PLCB4: variants seen among roughly 807,000 people sequenced by gnomAD.
PLCB4 encodes 1-phosphatidylinositol 4,5-bisphosphate phosphodiesterase beta-4.
In PLCB4, 77 loss-of-function variants were observed where a neutral mutation model predicts 178.8. That is an observed-to-expected ratio of 0.43 (90% CI 0.36 to 0.52). The LOEUF is 0.52. Among genes scored for constraint, PLCB4 ranks in the 20% least tolerant of loss-of-function variants. The probability of loss-of-function intolerance (pLI) is 0.00; values close to 1 mark genes in which losing one functional copy is unlikely to be tolerated. For missense variants in PLCB4, 1,024 were observed against 1,453.4 expected (o/e 0.70, Z 4.80); for synonymous variants, 496 against 490.8 (o/e 1.01, Z -0.14).
chr20:9,272,486 A>C (rs899611624), intron 3 of PLCB4, among the ~76,000 whole-genome samples: 4 of 152,034 alleles, frequency 2.6e-5, no homozygotes, highest in African/African-American at 9.7e-5. Flanking sequence ...TCCAACCTAG[A>C]CTATTGAGGG....
At chr20:9,121,862 T>A (rs935511131) in intron 2 of PLCB4, among the ~76,000 whole-genome samples, 1 of 152,196 alleles carries the variant, frequency 6.6e-6, no homozygotes, top group Non-Finnish European at 1.5e-5. Context: ...GACACCAAAT[T>A]TATGTATTTT....
At chr20:9,193,238 A>C (rs2147148982) in intron 2 of PLCB4, among the ~76,000 whole-genome samples, 1 of 152,376 alleles carries the variant, frequency 6.6e-6, no homozygotes, top group African/African-American at 2.4e-5. Flanking sequence ...TACTGGTAGA[A>C]GAGTAAGAAA....
rs569891005 is a variant in PLCB4 at position 9,244,233 on chromosome 20, T to C, written c.-16+26781T>C. ...CATTTTCTAGAAACCCCCAAGATAA[T>C]TGGGTTTCATTTCCCATTGCATGTT... is the stretch of plus-strand genomic sequence containing the variant. On this transcript the variant is annotated intron_variant, in intron 3 of 39. Transcript: ENST00000378473. Among the ~76,000 whole-genome samples the C allele has an allele frequency of 4.6e-5, 7 of 152,324 alleles. No individual in the cohort carries two copies. In the East Asian group the frequency reaches 1.4e-3, roughly 29 times the overall value.
At chr20:9,466,380 G>A (rs903962634) in intron 35 of PLCB4, among the ~76,000 whole-genome samples, 3 of 152,128 alleles carry the variant, frequency 2.0e-5, no homozygotes, top group South Asian at 2.1e-4. Context: ...CATGGGCAAG[G>A]ACTTCATGAC....
At chr20:9,475,266 G>A (rs922319144) in intron 38 of PLCB4, among the ~76,000 whole-genome samples, 3 of 152,222 alleles carry the variant, frequency 2.0e-5, no homozygotes, top group African/African-American at 7.2e-5. Flanking sequence ...CAATAGTGGT[G>A]TATGCCAGAG....
intron 2 of PLCB4, among the ~76,000 whole-genome samples, chr20:9,099,262 A>G (rs752426637): frequency 1.1e-4 from 16 of 152,174 alleles, no homozygotes; most frequent in Non-Finnish European, 2.2e-4. Context: ...AGACAGGGCC[A>G]GAATGTTTTT....
At chr20:9,158,077 C>T (rs1425501939) in intron 2 of PLCB4, among the ~76,000 whole-genome samples, 3 of 152,142 alleles carry the variant, frequency 2.0e-5, no homozygotes, top group Non-Finnish European at 4.4e-5. Flanking sequence ...GGAACCAAGG[C>T]ACAAGGATTC....
intron 36 of PLCB4, among the ~76,000 whole-genome samples, chr20:9,470,059 T>C (rs942989947): frequency 6.6e-5 from 10 of 152,190 alleles, no homozygotes; most frequent in Non-Finnish European, 1.5e-5. Flanking sequence ...CCAGGTGCAG[T>C]GGCTCACACC....
At chr20:9,391,830 A>T (rs1318623344) in intron 17 of PLCB4, among the ~76,000 whole-genome samples, 1 of 152,190 alleles carries the variant, frequency 6.6e-6, no homozygotes, top group Non-Finnish European at 1.5e-5. Context: ...CCGAGGTGGG[A>T]TAACCCTGAG....
chr20:9,336,471 C>T (rs1448564494), intron 4 of PLCB4, among the ~76,000 whole-genome samples: 2 of 152,120 alleles, frequency 1.3e-5, no homozygotes, highest in South Asian at 2.1e-4. Flanking sequence ...GTCAAACTTT[C>T]GTGTGTGTTC....
At chr20:9,088,703 T>C (rs1205499789) in intron 1 of PLCB4, among the ~76,000 whole-genome samples, 2 of 152,076 alleles carry the variant, frequency 1.3e-5, no homozygotes, top group East Asian at 1.9e-4. Flanking sequence ...GTCACTTAAG[T>C]GGAAAAAAAT....
chr20:9,297,705 G>A (rs2094655226), intron 3 of PLCB4, among the ~76,000 whole-genome samples: 1 of 151,910 alleles, frequency 6.6e-6, no homozygotes, highest in South Asian at 2.1e-4. Context: ...CCATTCTAAA[G>A]TTGAATGACA....
intron 9 of PLCB4, among the ~76,000 whole-genome samples, chr20:9,369,172 G>T (rs1159876229): frequency 6.6e-6 from 1 of 152,066 alleles, no homozygotes; most frequent in Non-Finnish European, 1.5e-5. Context: ...CACCAGAAAG[G>T]CTCAGTCTCC....
At chr20:9,386,930 T>C (rs1239891455) in intron 14 of PLCB4, among the ~76,000 whole-genome samples, 1 of 151,024 alleles carries the variant, frequency 6.6e-6, no homozygotes, top group Middle Eastern at 3.4e-3. Flanking sequence ...TCTTACTTTG[T>C]TGCCCAGGCT....
At chr20:9,460,287 G>A (rs1368792340) in intron 35 of PLCB4, among the ~76,000 whole-genome samples, 1 of 152,182 alleles carries the variant, frequency 6.6e-6, no homozygotes, top group Non-Finnish European at 1.5e-5. Flanking sequence ...TTTTCAAAAT[G>A]GTAGGGCTGG....
chr20:9,356,509 T>A (rs1417458827), intron 7 of PLCB4, among the ~76,000 whole-genome samples: 1 of 152,206 alleles, frequency 6.6e-6, no homozygotes, highest in Non-Finnish European at 1.5e-5. Flanking sequence ...ATCTGTAGAT[T>A]TGTGAAATGT....
chr20:9,444,163 A>G lies in PLCB4; in HGVS notation c.2815-15A>G, dbSNP rs6039471. 4.4e-6 allele frequency: 7 copies of G among 1,573,958 alleles called. No individual in the cohort carries two copies. Among genetic ancestry groups the G allele is most frequent in the South Asian group, 2.3e-5 (2 of 86,848 alleles). On this transcript the variant is annotated splice_polypyrimidine_tract_variant and intron_variant, in intron 31 of 39. Transcript: ENST00000378473. Reference sequence around the variant, plus strand: ...AAACAAAAAACCTATTTTTGATTCTATTTTTCTCCCAAAGGCTTACTTGAA... The same window carrying G: ...AAACAAAAAACCTATTTTTGATTCTGTTTTTCTCCCAAAGGCTTACTTGAA...
At chr20:9,271,631 T>A (rs528879570) in intron 3 of PLCB4, among the ~76,000 whole-genome samples, 89 of 152,246 alleles carry the variant, frequency 5.8e-4, no homozygotes, top group Non-Finnish European at 6.3e-4. Context: ...AAAAAATGTT[T>A]CCGAACAATG....
intron 2 of PLCB4, among the ~76,000 whole-genome samples, chr20:9,107,105 T>A (rs1568761512): frequency 6.6e-6 from 1 of 152,178 alleles, no homozygotes; most frequent in Admixed American, 6.5e-5. Context: ...CTTGTCCCTG[T>A]CCCTTCGATT....
Sources: allele counts gnomAD v4.1 joint callset (sites outside exome capture counted in the v4.1 genomes callset), GRCh38; gene constraint gnomAD v4.1.1; transcripts MANE v1.5; gene names NCBI Gene and HGNC (gene_info 2026-07-23, HGNC 2026-07-21).